The following AP2S1 variants were observed in gnomAD, a reference collection of about 807,000 sequenced individuals.
AP2S1 encodes adaptor related protein complex 2 subunit sigma 1.
Under a neutral mutation model 21.0 loss-of-function variants are expected in AP2S1, and 6 were observed. That is an observed-to-expected ratio of 0.29 (90% CI 0.16 to 0.56). The LOEUF is 0.56. Among genes scored for constraint, AP2S1 ranks in the 20% least tolerant of loss-of-function variants. AP2S1 has a pLI of 0.92. For missense variants in AP2S1, 60 were observed against 186.2 expected, an observed-to-expected ratio of 0.32 and a Z score of 3.95; for synonymous variants, 63 against 74.6, an observed-to-expected ratio of 0.84 and a Z score of 0.80.
chr19:46,849,655 T>C (rs1187524609), intron 1 of AP2S1, among the ~76,000 whole-genome samples: 1 of 152,162 alleles, frequency 6.6e-6, no homozygotes, highest in East Asian at 1.9e-4. Context: ...CCTGAATCTC[T>C]GCATCCTCAC....
In AP2S1 at chr19:46,840,419, T is replaced by C. The variant is rs553035565; in HGVS notation, c.154-841A>G. On this transcript the variant is annotated intron_variant, in intron 2 of 4. Coordinates refer to ENST00000263270, the MANE Select transcript of AP2S1 (RefSeq NM_004069.6). ...CACTCCAGGAGGCCGGGCGAGAGGA[T>C]CACTTGAGCCCAGGAGTTTCAGGCC... Among the ~76,000 whole-genome samples, 8 of 145,784 alleles carry C rather than the reference T, an allele frequency of 5.5e-5. No homozygotes were observed. In the East Asian group the frequency reaches 1.0e-3, roughly 18 times the overall value.
rs192236518 is a variant in AP2S1, at chr19:46,844,771, G to A, written c.153+1222C>T. 1.4e-4 allele frequency among the ~76,000 whole-genome samples: 21 copies of A among 151,968 alleles called. 1 individual carries two copies. The highest frequency in any genetic ancestry group is 3.9e-4 in the East Asian group (2 of 5,156). On this transcript the variant is annotated intron_variant, in intron 2 of 4. Transcript: ENST00000263270. ...GCCATGTTCGTGCCACTGCACTCCC[G>A]CCTGGGTGACAGAATGAGCTCCTGT... is the stretch of plus-strand genomic sequence containing the variant.
chr19:46,850,804 C>T lies in AP2S1; in HGVS notation c.-38G>A. On this transcript the variant is annotated 5_prime_UTR_variant, in exon 1 of 5. Coordinates refer to ENST00000263270, the MANE Select transcript of AP2S1 (RefSeq NM_004069.6). The stretch of plus-strand genomic sequence containing the variant: ...CCAGACCCCAGCGGCCCCGGTCCCG[C>T]GGCGACTGGGCAGCTCCGGCTCAGG... 1.9e-6 allele frequency: 3 copies of T among 1,547,480 alleles called. No homozygotes were observed. Among genetic ancestry groups the T allele is most frequent in the Non-Finnish European group, 2.6e-6 (3 of 1,146,852 alleles).
At chr19:46,843,883 G>A (rs1320913801) in intron 2 of AP2S1, among the ~76,000 whole-genome samples, 1 of 152,000 alleles carries the variant, frequency 6.6e-6, no homozygotes, top group Non-Finnish European at 1.5e-5. Flanking sequence ...GCAAGACCGT[G>A]TCTCTAAAAA....
At chr19:46,849,903 C>G (rs1454774665) in intron 1 of AP2S1, among the ~76,000 whole-genome samples, 1 of 152,172 alleles carries the variant, frequency 6.6e-6, no homozygotes, top group Non-Finnish European at 1.5e-5. Context: ...CGCTCTGACA[C>G]TCTTTCTCAT....
chr19:46,846,137 G>C lies in AP2S1; in HGVS notation c.9C>G (p.Arg3=), dbSNP rs1281403558. 2 of 1,613,994 alleles carry C rather than the reference G, an allele frequency of 1.2e-6. No homozygotes were observed. The highest frequency in any genetic ancestry group is 2.7e-5 in the African/African-American group (2 of 74,910). MI[R]FILIQNRAGK... The stretch of plus-strand genomic sequence containing the variant: ...CTGCCCGGTTCTGGATGAGGATAAA[G>C]CGGATCTGGGGGCAGCAGGAGGAGA... The change falls in exon 2 of 5, where the codon CGC becomes CGG. Residue 3 remains arginine (R), a synonymous_variant. Transcript: ENST00000263270.
intron 2 of AP2S1, among the ~76,000 whole-genome samples, chr19:46,840,881 A>G (rs1421094863): frequency 1.3e-5 from 2 of 149,142 alleles, no homozygotes; most frequent in African/African-American, 2.5e-5. Context: ...ACACCCAGCT[A>G]ATAGCTTTTT....
chr19:46,838,822 G>A lies in AP2S1; in HGVS notation c.268-23C>T. On this transcript the variant is annotated intron_variant, in intron 3 of 4. Coordinates refer to ENST00000263270, the MANE Select transcript of AP2S1 (RefSeq NM_004069.6). The surrounding 1 kb of genome is among the most constrained non-coding windows in gnomAD (Gnocchi z 4.1). The stretch of plus-strand genomic sequence containing the variant: ...GACCTGGGAGAGGAAGGCAGAGATG[G>A]TAAGAGATGGGCAGGGAGAGAGCCA... 6.2e-7 allele frequency: 1 copy of A among 1,607,392 alleles called. No individual in the cohort carries two copies. Among genetic ancestry groups the A allele is most frequent in the Non-Finnish European group, 8.5e-7 (1 of 1,174,414 alleles).
intron 1 of AP2S1, among the ~76,000 whole-genome samples, chr19:46,849,939 C>A (rs2055708311): frequency 6.6e-6 from 1 of 152,138 alleles, no homozygotes; most frequent in African/African-American, 2.4e-5. Context: ...ACTTCCAGCC[C>A]AAAGAACCCT....
chr19:46,848,582 CTG>C (rs2055677137), intron 1 of AP2S1, among the ~76,000 whole-genome samples: 1 of 152,296 alleles, frequency 6.6e-6, no homozygotes, highest in African/African-American at 2.4e-5. Flanking sequence ...GATGAGGAAA[CTG>C]AGATTTAGGG....
Position 46,850,326 on chromosome 19 carries a change from C to T in AP2S1, c.3+438G>A, listed in dbSNP as rs541124648. Reference sequence around the variant, plus strand: ...CCTTGTCTCTAGAGACTCCTCCCATCAAGAAAACCTCCCTCCCCTTTTCCA... The same window carrying T: ...CCTTGTCTCTAGAGACTCCTCCCATTAAGAAAACCTCCCTCCCCTTTTCCA... On this transcript the variant is annotated intron_variant, in intron 1 of 4. Transcript: ENST00000263270. 5.6e-6 allele frequency: 7 copies of T among 1,243,120 alleles called. No individual in the cohort carries two copies. The East Asian group carries it at 1.3e-4, about 22-fold the overall frequency. 77.0% of individuals were successfully genotyped at this position (1,243,120 alleles called of 1,614,324 possible). A position where few individuals can be genotyped will look rare whatever the true frequency, so the allele number is the denominator to read the frequency against.
Position 46,838,328 on chromosome 19 carries a change from TG to T in AP2S1, c.*118del. The T allele has an allele frequency of 1.1e-6, 1 of 940,588 alleles. No individual in the cohort carries two copies. Among genetic ancestry groups the T allele is most frequent in the Non-Finnish European group, 1.7e-6 (1 of 605,562 alleles). The allele number at this position is 940,588 out of a possible 1,614,324, so 58.3% of individuals were successfully genotyped here. On this transcript the variant is annotated 3_prime_UTR_variant, in exon 5 of 5. Transcript: ENST00000263270. This position sits in a 1 kb window ranked among gnomAD's most constrained non-coding sequence, Gnocchi z 4.1. ...TCCTCCCTTGTGGCCCAGACCCAGC[TG>T]GGTCCCTTCCTCCTAGGCAGCTGAG...
intron 1 of AP2S1, among the ~76,000 whole-genome samples, chr19:46,849,099 G>A (rs1180984885): frequency 7.1e-5 from 10 of 140,192 alleles, no homozygotes; most frequent in East Asian, 2.1e-4. Flanking sequence ...TCTGCCTCCC[G>A]GGTTCAAGCG....
At chr19:46,847,862 T>C (rs567242424) in intron 1 of AP2S1, among the ~76,000 whole-genome samples, 1 of 152,328 alleles carries the variant, frequency 6.6e-6, no homozygotes, top group East Asian at 1.9e-4. Flanking sequence ...TTTAGGGCTA[T>C]TATGAATAAT....
intron 1 of AP2S1, chr19:46,850,272 C>T (rs1488913163): frequency 8.1e-7 from 1 of 1,234,880 alleles, no homozygotes; most frequent in African/African-American, 1.6e-5. Flanking sequence ...GCCCCTGTCT[C>T]AACATCCCCT....
At position 46,850,770 on chromosome 19, in the gene AP2S1, G is replaced by C; in HGVS notation, c.-4C>G. ...CGTAGCGCTCCCCCGTTACCATGGC[G>C]ACCCCCGTCCAGACCCCAGCGGCCC... On this transcript the variant is annotated 5_prime_UTR_variant, in exon 1 of 5. Coordinates refer to ENST00000263270, the MANE Select transcript of AP2S1 (RefSeq NM_004069.6). 6.3e-7 allele frequency: 1 copy of C among 1,586,746 alleles called. No individual in the cohort carries two copies. The highest frequency in any genetic ancestry group is 8.6e-7 in the Non-Finnish European group (1 of 1,164,346).
chr19:46,841,650 CTG>C (rs1199115587), intron 2 of AP2S1, among the ~76,000 whole-genome samples: 2 of 152,262 alleles, frequency 1.3e-5, no homozygotes, highest in African/African-American at 4.8e-5. Context: ...AGCTGTCACA[CTG>C]TGTCCTCCAT....
chr19:46,841,880 A>G (rs2055528125), intron 2 of AP2S1, among the ~76,000 whole-genome samples: 1 of 152,194 alleles, frequency 6.6e-6, no homozygotes. Flanking sequence ...GGGAGGCGGG[A>G]CAGTGCGAGT....
At chr19:46,839,620 C>T (rs1167746463) in intron 2 of AP2S1, 42 bp from the exon 3 acceptor site, 1 of 1,613,752 alleles carries the variant, frequency 6.2e-7, no homozygotes, top group African/African-American at 1.3e-5. Flanking sequence ...ATTGCCAGGA[C>T]CTAACGTGCC....
Sources: allele counts gnomAD v4.1 joint callset (sites outside exome capture counted in the v4.1 genomes callset), GRCh38; gene constraint gnomAD v4.1.1; non-coding constraint Gnocchi (gnomAD v3.1); transcripts MANE v1.5; gene names NCBI Gene and HGNC (gene_info 2026-07-23, HGNC 2026-07-21).